The following ASTN2 variants were observed in gnomAD, a reference collection of about 807,000 sequenced individuals.
ASTN2 encodes the protein astrotactin 2.
In ASTN2, 54 loss-of-function variants were observed where a neutral mutation model predicts 139.8. That is an observed-to-expected ratio of 0.39 (90% confidence interval 0.31 to 0.48). ASTN2 has a LOEUF of 0.48. Ranked by LOEUF, ASTN2 falls within the 20% of genes least tolerant of loss-of-function variation. The probability of loss-of-function intolerance (pLI) is 0.95; values close to 1 mark genes in which losing one functional copy is unlikely to be tolerated. For synonymous variants in ASTN2, 756 were observed against 719.5 expected (o/e 1.05, Z -0.81); for missense variants, 1,565 against 1,725.1 (o/e 0.91, Z 1.64).
At chr9:116,430,441 C>T (rs771365037) in intron 22 of ASTN2, among the ~76,000 whole-genome samples, 3 of 152,154 alleles carry the variant, frequency 2.0e-5, no homozygotes, top group Non-Finnish European at 4.4e-5. Context: ...GCCACTAACT[C>T]TTAGTTGTAG....
intron 16 of ASTN2, among the ~76,000 whole-genome samples, chr9:116,692,980 G>C (rs1588208052): frequency 1.3e-5 from 2 of 152,126 alleles, no homozygotes; most frequent in Non-Finnish European, 2.9e-5. Context: ...CTGTATGTCT[G>C]GCATTCTCAA....
intron 11 of ASTN2, among the ~76,000 whole-genome samples, chr9:116,832,423 G>T (rs1831841035): frequency 6.6e-6 from 1 of 151,870 alleles, no homozygotes; most frequent in Admixed American, 6.6e-5. Flanking sequence ...GAGTGAATCT[G>T]CTTTTCTTGT....
intron 19 of ASTN2, chr9:116,610,774 A>G (rs745725781): frequency 6.6e-6 from 1 of 152,196 alleles, no homozygotes; most frequent in Non-Finnish European, 1.5e-5. Flanking sequence ...AAAATTCTAA[A>G]TGTTTATGAA....
At chr9:117,277,609 C>T (rs910514009) in intron 2 of ASTN2, among the ~76,000 whole-genome samples, 4 of 152,090 alleles carry the variant, frequency 2.6e-5, no homozygotes, top group Admixed American at 2.0e-4. Context: ...CTGCTCCACA[C>T]CTAGTGAAAT....
At chr9:116,447,175 C>T (rs760144474) in intron 20 of ASTN2, among the ~76,000 whole-genome samples, 5 of 152,266 alleles carry the variant, frequency 3.3e-5, no homozygotes, top group African/African-American at 9.6e-5. Flanking sequence ...TCATCCATCC[C>T]CTTCTTCACT....
chr9:116,832,076 C>A (rs1400092709), intron 11 of ASTN2, among the ~76,000 whole-genome samples: 1 of 152,084 alleles, frequency 6.6e-6, no homozygotes, highest in Non-Finnish European at 1.5e-5. Context: ...AGATTCACAT[C>A]TGAATATTTC....
chr9:117,333,034 T>C (rs773753676), intron 1 of ASTN2, among the ~76,000 whole-genome samples: 3 of 152,158 alleles, frequency 2.0e-5, no homozygotes, highest in South Asian at 2.1e-4. Context: ...TTCACGGTGA[T>C]AAAAATGTTC....
intron 10 of ASTN2, among the ~76,000 whole-genome samples, chr9:116,874,154 G>A (rs1225109332): frequency 2.0e-5 from 3 of 152,204 alleles, no homozygotes; most frequent in Admixed American, 6.5e-5. Context: ...ATCTGACTTC[G>A]GACTCTTTAG....
chr9:117,256,481 A>G (rs985482381), intron 2 of ASTN2, among the ~76,000 whole-genome samples: 1 of 152,164 alleles, frequency 6.6e-6, no homozygotes, highest in Non-Finnish European at 1.5e-5. Context: ...CTTAAAGGTA[A>G]AGCAAGTGAG....
chr9:116,883,653 T>C (rs1307275449), intron 10 of ASTN2, among the ~76,000 whole-genome samples: 1 of 152,162 alleles, frequency 6.6e-6, no homozygotes, highest in Non-Finnish European at 1.5e-5. Flanking sequence ...CTAAGTGGCA[T>C]GGAGGTTGCA....
At chr9:116,742,493 C>T (rs1466077410) in intron 13 of ASTN2, among the ~76,000 whole-genome samples, 1 of 152,128 alleles carries the variant, frequency 6.6e-6, no homozygotes, top group Non-Finnish European at 1.5e-5. Context: ...TCATTCATTC[C>T]AAGTACAAGG....
intron 11 of ASTN2, among the ~76,000 whole-genome samples, chr9:116,842,470 T>C (rs1832290456): frequency 6.6e-6 from 1 of 152,074 alleles, no homozygotes; most frequent in Admixed American, 6.5e-5. Flanking sequence ...TGAGTGGGCC[T>C]GGTTCTTCTC....
intron 6 of ASTN2, among the ~76,000 whole-genome samples, chr9:117,035,081 T>C (rs1424127450): frequency 2.0e-5 from 3 of 152,256 alleles, no homozygotes; most frequent in Admixed American, 1.3e-4. Flanking sequence ...TGTGTAATGG[T>C]AGCTGAGAGC....
At chr9:116,932,207 G>A (rs920507000) in intron 10 of ASTN2, among the ~76,000 whole-genome samples, 10 of 152,092 alleles carry the variant, frequency 6.6e-5, no homozygotes, top group African/African-American at 1.4e-4. Flanking sequence ...TGTGAAGCCC[G>A]GTGCCAGGTG....
intron 16 of ASTN2, among the ~76,000 whole-genome samples, chr9:116,718,970 C>CTGTGTGTGTG (rs763759739): frequency 8.1e-4 from 21 of 25,938 alleles, no homozygotes; most frequent in African/African-American, 2.5e-3. Context: ...ATACCTGTAT[C>CTGTGTGTGTG]TGTACATATA....
chr9:116,891,511 C>T (rs7040449), intron 10 of ASTN2, among the ~76,000 whole-genome samples: 5 of 152,214 alleles, frequency 3.3e-5, no homozygotes, highest in African/African-American at 1.2e-4. Context: ...AACTACGTTA[C>T]CCCCACTTTA....
chr9:116,707,176 A>G (rs1393784184), intron 16 of ASTN2, among the ~76,000 whole-genome samples: 1 of 148,438 alleles, frequency 6.7e-6, no homozygotes, highest in East Asian at 2.1e-4. Context: ...GACGAAGACC[A>G]TGTTGAATGC....
intron 5 of ASTN2, among the ~76,000 whole-genome samples, chr9:117,064,416 G>A (rs1393916810): frequency 6.6e-6 from 1 of 152,110 alleles, no homozygotes; most frequent in African/African-American, 2.4e-5. Context: ...TATCAAATGG[G>A]GAAACTGGGA....
chr9:117,181,727 A>G (rs1831072203), intron 3 of ASTN2, among the ~76,000 whole-genome samples: 1 of 152,230 alleles, frequency 6.6e-6, no homozygotes, highest in African/African-American at 2.4e-5. Flanking sequence ...TGTGTATTAA[A>G]TAAAGAAATC....
Sources: gnomAD v4.1 joint callset for allele counts (sites outside exome capture counted in the v4.1 genomes callset) on GRCh38, gnomAD v4.1.1 for gene constraint, MANE v1.5 for transcripts, NCBI Gene and HGNC (gene_info 2026-07-23, HGNC 2026-07-21) for gene names.